CTNND2: variants seen among roughly 807,000 people sequenced by gnomAD.
CTNND2 encodes the protein catenin delta 2.
CTNND2 carries 22 observed loss-of-function variants against 144.4 expected under a neutral mutation model. The ratio of observed to expected loss-of-function variants is 0.15; its 90% CI spans 0.11 to 0.22. The LOEUF (loss-of-function observed/expected upper bound fraction) is 0.22, where lower values mean the gene tolerates loss of function less well. Ranked by LOEUF, CTNND2 falls within the 10% of genes least tolerant of loss-of-function variation. CTNND2 has a pLI of 1.00. For missense variants in CTNND2, 1,353 were observed against 1,618.8 expected (o/e 0.84, Z 2.82); for synonymous variants, 751 against 695.6 (o/e 1.08, Z -1.25).
At chr5:11,219,542 T>G (rs1003429044) in intron 10 of CTNND2, among the ~76,000 whole-genome samples, 4 of 152,196 alleles carry the variant, frequency 2.6e-5, no homozygotes, top group Non-Finnish European at 4.4e-5. Context: ...TGACCTTACA[T>G]AGCAAAAGGG....
At chr5:11,030,142 T>C (rs1250642221) in intron 16 of CTNND2, among the ~76,000 whole-genome samples, 1 of 152,192 alleles carries the variant, frequency 6.6e-6, no homozygotes, top group Non-Finnish European at 1.5e-5. Context: ...TTCTTGTGTG[T>C]GATGAGTCAC....
intron 1 of CTNND2, among the ~76,000 whole-genome samples, chr5:11,817,854 T>C (rs1162122029): frequency 1.3e-5 from 2 of 151,744 alleles, no homozygotes; most frequent in East Asian, 2.0e-4. Flanking sequence ...AATAAGAAAA[T>C]GAATGCTTGG....
intron 1 of CTNND2, among the ~76,000 whole-genome samples, chr5:11,882,840 G>A (rs1161700668): frequency 1.3e-5 from 2 of 152,090 alleles, no homozygotes; most frequent in African/African-American, 2.4e-5. Context: ...CTATTTCTGT[G>A]AAGAATGTTA....
At chr5:11,574,509 A>G (rs1322638848) in intron 2 of CTNND2, among the ~76,000 whole-genome samples, 1 of 152,164 alleles carries the variant, frequency 6.6e-6, no homozygotes, top group Non-Finnish European at 1.5e-5. Flanking sequence ...CAAAAATAAT[A>G]GCACAAATTT....
rs190536929 is a variant in CTNND2, at chr5:11,121,838, G to C, written c.2160-4271C>G. Among the ~76,000 whole-genome samples the C allele has an allele frequency of 3.3e-5, 5 of 152,300 alleles. No homozygotes were observed. In the East Asian group the frequency reaches 9.7e-4, roughly 29 times the overall value. ...AGATCAAACCACAGGGAAAACCAAGGAATGAGATATTGGGTAATCAATGTA... is the reference window on the plus strand; with the variant it reads ...AGATCAAACCACAGGGAAAACCAAGCAATGAGATATTGGGTAATCAATGTA... On this transcript the variant is annotated intron_variant, in intron 12 of 21. Transcript: ENST00000304623.
At chr5:11,897,948 C>T (rs1311731170) in intron 1 of CTNND2, among the ~76,000 whole-genome samples, 7 of 152,220 alleles carry the variant, frequency 4.6e-5, no homozygotes, top group Non-Finnish European at 8.8e-5. Flanking sequence ...TTTTCACTTT[C>T]TCTGCCTCTG....
intron 1 of CTNND2, among the ~76,000 whole-genome samples, chr5:11,858,988 T>C (rs1795378519): frequency 6.6e-6 from 1 of 152,208 alleles, no homozygotes; most frequent in South Asian, 2.1e-4. Context: ...CACAAACTTA[T>C]ATACGCTGTC....
At chr5:11,541,846 C>T (rs878994416) in intron 3 of CTNND2, among the ~76,000 whole-genome samples, 10 of 145,460 alleles carry the variant, frequency 6.9e-5, no homozygotes, top group East Asian at 2.0e-4. Context: ...CGACCCCCCC[C>T]CCCCGGCCAA....
intron 14 of CTNND2, among the ~76,000 whole-genome samples, chr5:11,107,347 C>T (rs1256662472): frequency 6.6e-6 from 1 of 152,180 alleles, no homozygotes; most frequent in African/African-American, 2.4e-5. Flanking sequence ...GTCATTTTAA[C>T]TACTAATAAA....
At chr5:11,854,476 T>C (rs1561860566) in intron 1 of CTNND2, among the ~76,000 whole-genome samples, 1 of 152,238 alleles carries the variant, frequency 6.6e-6, no homozygotes, top group African/African-American at 2.4e-5. Context: ...GATATTTATT[T>C]ACTTTATAAA....
intron 2 of CTNND2, among the ~76,000 whole-genome samples, chr5:11,664,524 T>C (rs993235319): frequency 1.3e-5 from 2 of 152,170 alleles, no homozygotes; most frequent in Non-Finnish European, 2.9e-5. Flanking sequence ...GAGGTTGCAG[T>C]GAGCTGAGGA....
intron 3 of CTNND2, among the ~76,000 whole-genome samples, chr5:11,440,842 C>T (rs1226941928): frequency 6.6e-6 from 1 of 152,138 alleles, no homozygotes; most frequent in East Asian, 1.9e-4. Context: ...ATCGCTGAAG[C>T]TCTATTATCC....
At chr5:11,571,761 A>C (rs931407492) in intron 2 of CTNND2, among the ~76,000 whole-genome samples, 7 of 152,140 alleles carry the variant, frequency 4.6e-5, no homozygotes, top group African/African-American at 1.4e-4. Flanking sequence ...GGGTATAATA[A>C]GTCACTTCCC....
At chr5:11,184,046 G>A (rs554033581) in intron 11 of CTNND2, among the ~76,000 whole-genome samples, 28 of 152,118 alleles carry the variant, frequency 1.8e-4, no homozygotes, top group Non-Finnish European at 3.5e-4. Flanking sequence ...AACAAAAACC[G>A]CTAAAGTTAA....
At chr5:11,731,108 G>C (rs61763026) in intron 2 of CTNND2, among the ~76,000 whole-genome samples, 13,504 of 152,198 alleles carry the variant, frequency 0.089, 1,195 homozygotes, top group African/African-American at 0.23. Flanking sequence ...ACAAACTAGA[G>C]TATCCACTCA....
At chr5:11,581,770 T>G (rs1306415121) in intron 2 of CTNND2, among the ~76,000 whole-genome samples, 1 of 152,152 alleles carries the variant, frequency 6.6e-6, no homozygotes, top group Non-Finnish European at 1.5e-5. Flanking sequence ...ATATCTCAGG[T>G]TTCAAATTTG....
chr5:11,421,984 A>G (rs1048692728), intron 3 of CTNND2, among the ~76,000 whole-genome samples: 1 of 152,166 alleles, frequency 6.6e-6, no homozygotes, highest in Non-Finnish European at 1.5e-5. Context: ...TCCATAGAAC[A>G]TTTCCAGGAA....
intron 2 of CTNND2, among the ~76,000 whole-genome samples, chr5:11,565,845 T>C (rs1777050063): frequency 6.6e-6 from 1 of 152,226 alleles, no homozygotes; most frequent in Non-Finnish European, 1.5e-5. Context: ...CTTAAGTTTT[T>C]TTAAAAATGA....
chr5:11,074,589 G>C (rs1748710887), intron 16 of CTNND2, among the ~76,000 whole-genome samples: 1 of 152,174 alleles, frequency 6.6e-6, no homozygotes, highest in African/African-American at 2.4e-5. Context: ...TCCAGGTTTA[G>C]AATTCCTAGA....
Sources: allele counts gnomAD v4.1 joint callset (sites outside exome capture counted in the v4.1 genomes callset), GRCh38; gene constraint gnomAD v4.1.1; transcripts MANE v1.5; gene names NCBI Gene and HGNC (gene_info 2026-07-23, HGNC 2026-07-21).